LUC7L: variants seen among roughly 807,000 people sequenced by gnomAD.
LUC7L encodes LUC7 like.
LUC7L carries 29 observed loss-of-function variants against 51.1 expected under a neutral mutation model. The ratio of observed to expected loss-of-function variants is 0.57; its 90% CI spans 0.42 to 0.77. The LOEUF (loss-of-function observed/expected upper bound fraction) is 0.77. LUC7L is among the 30% of genes least tolerant of loss of function. LUC7L has a pLI of 0.00. For missense variants in LUC7L, 403 were observed against 511.9 expected (o/e 0.79, Z 2.05); for synonymous variants, 181 against 180.7 (o/e 1.00, Z -0.01).
intron 3 of LUC7L, among the ~76,000 whole-genome samples, chr16:210,385 G>A (rs546890323): frequency 8.5e-5 from 13 of 152,270 alleles, no homozygotes; most frequent in Admixed American, 1.3e-4. Context: ...CAAATGATCC[G>A]GCATTTGACT....
chr16:203,499 G>C (rs1287838915), intron 5 of LUC7L, among the ~76,000 whole-genome samples: 1 of 151,972 alleles, frequency 6.6e-6, no homozygotes, highest in Non-Finnish European at 1.5e-5. Flanking sequence ...TTGAGCCAAG[G>C]ATTTCAAGAC....
At chr16:204,951 G>C (rs1338701625) in intron 5 of LUC7L, among the ~76,000 whole-genome samples, 1 of 152,152 alleles carries the variant, frequency 6.6e-6, no homozygotes, top group Non-Finnish European at 1.5e-5. Context: ...CTGGAGAGGT[G>C]AACTGCTCCT....
intron 6 of LUC7L, among the ~76,000 whole-genome samples, chr16:194,069 C>T (rs1359362337): frequency 6.6e-6 from 1 of 151,856 alleles, no homozygotes; most frequent in Admixed American, 6.6e-5. Context: ...TCCCACAGTG[C>T]TGGGATTATA....
chr16:228,751 G>GCCT, intron 1 of LUC7L: 1 of 1,267,704 alleles, frequency 7.9e-7, no homozygotes, highest in African/African-American at 1.5e-5. Context: ...TGTGCTGGGG[G>GCCT]GAAGGGGGCA....
chr16:201,329 G>C (rs533382388), intron 5 of LUC7L, among the ~76,000 whole-genome samples: 1 of 148,484 alleles, frequency 6.7e-6, no homozygotes, highest in African/African-American at 2.5e-5. Flanking sequence ...CCCTTCTATA[G>C]TTTTGAAACC....
rs77733638 is a variant in LUC7L at position 191,384 on chromosome 16, C to A, written c.777-814G>T. On this transcript the variant is annotated intron_variant, in intron 7 of 9. Coordinates refer to ENST00000293872, the MANE Select transcript of LUC7L (RefSeq NM_201412.3). Reference sequence around the variant, plus strand: ...AAGCTATGAGGCCTCATTCTATGCCCGTAAGCCATTAAGGTCAAGTGGCCC... The same window carrying A: ...AAGCTATGAGGCCTCATTCTATGCCAGTAAGCCATTAAGGTCAAGTGGCCC... Among the ~76,000 whole-genome samples, 4 of 152,174 alleles carry A rather than the reference C, an allele frequency of 2.6e-5. 1 individual carries two copies. Among genetic ancestry groups the A allele is most frequent in the Non-Finnish European group, 5.9e-5 (4 of 68,034 alleles).
chr16:194,829 TAC>T (rs1464371776), intron 6 of LUC7L, among the ~76,000 whole-genome samples: 6 of 152,172 alleles, frequency 3.9e-5, no homozygotes, highest in Admixed American at 3.9e-4. Context: ...CCGTTCTGTA[TAC>T]CCACTACTCC....
Position 206,007 on chromosome 16 carries a change from A to G in LUC7L, c.507T>C (p.Ala169=). ...VEKVRAKKKE[A]EEEYRNSMPA... is the part of the protein sequence containing the mutation. ...CTAAGGCACTTATCTCACCAACCTC[A>G]GCTTCTTTTTTCTTCGCACGAACTT... The change falls in exon 5 of 10, where the codon GCT becomes GCC. Residue 169 remains alanine, a synonymous_variant. Transcript: ENST00000293872. The G allele has an allele frequency of 6.2e-7, 1 of 1,610,206 alleles. No homozygotes were observed.
chr16:199,642 A>G (rs2049263333), intron 5 of LUC7L, among the ~76,000 whole-genome samples: 1 of 151,650 alleles, frequency 6.6e-6, no homozygotes, highest in African/African-American at 2.4e-5. Context: ...GTGGTGGCGC[A>G]TGCCTGTAAT....
intron 3 of LUC7L, among the ~76,000 whole-genome samples, chr16:218,714 C>G (rs1840778155): frequency 6.6e-6 from 1 of 150,400 alleles, no homozygotes; most frequent in Admixed American, 6.6e-5. Flanking sequence ...GAGGGAGACT[C>G]TGTCTCAAAA....
intron 2 of LUC7L, among the ~76,000 whole-genome samples, chr16:224,915 C>CT (rs2050087493): frequency 3.9e-5 from 6 of 152,116 alleles, no homozygotes; most frequent in Non-Finnish European, 7.3e-5. Flanking sequence ...CTTAAGCACA[C>CT]TGAGGATAGG....
chr16:205,529 T>C (rs1185530122), intron 5 of LUC7L, among the ~76,000 whole-genome samples: 2 of 152,152 alleles, frequency 1.3e-5, no homozygotes, highest in East Asian at 1.9e-4. Flanking sequence ...AGAGGGTACA[T>C]GGAGAATCTC....
Position 190,478 on chromosome 16 carries a change from T to C in LUC7L, c.806+63A>G, listed in dbSNP as rs544267223. The C allele has an allele frequency of 9.9e-6, 15 of 1,514,994 alleles. No homozygotes were observed. The East Asian group carries it at 3.2e-4, about 32-fold the overall frequency. The allele number at this position is 1,514,994 out of a possible 1,614,324, so 93.8% of individuals were successfully genotyped here. A position where few individuals can be genotyped will look rare whatever the true frequency, so the allele number is the denominator to read the frequency against. ...CATTTGTAAAGGCATAATCATTAAA[T>C]ATTAAGAAAAATGCTTATGGAAAAA... On this transcript the variant is annotated intron_variant, in intron 8 of 9. Coordinates refer to ENST00000293872, the MANE Select transcript of LUC7L (RefSeq NM_201412.3).
At chr16:221,186 ATTTTTTTTTTTT>A (rs372906826) in intron 2 of LUC7L, among the ~76,000 whole-genome samples, 42,674 of 101,702 alleles carry the variant, frequency 0.42, 6,263 homozygotes, top group Middle Eastern at 0.54. Flanking sequence ...CACCCAGCTA[ATTTTTTTTTTTT>A]TTTTTTTTTT....
In LUC7L at chr16:200,980, C is replaced by T. The variant is rs1032679014; in HGVS notation, c.511-1742G>A. ...CAGGTGGATCACAAGGTCAGGAGTC[C>T]GAGAAGGTGAAACCCCGTCTCTATT... On this transcript the variant is annotated intron_variant, in intron 5 of 9. Transcript: ENST00000293872. Among the ~76,000 whole-genome samples the T allele has an allele frequency of 4.0e-5, 6 of 151,502 alleles. No homozygotes were observed. The East Asian group carries it at 5.8e-4, about 15-fold the overall frequency.
chr16:190,396 G>T (rs2048981154), intron 8 of LUC7L, 145 bp downstream of exon 8: 1 of 897,796 alleles, frequency 1.1e-6, no homozygotes, highest in Non-Finnish European at 1.8e-6. Flanking sequence ...ACCCTCCACG[G>T]CACCAAGCAA....
chr16:204,656 GCTGTA>G (rs2049432191), intron 5 of LUC7L, among the ~76,000 whole-genome samples: 1 of 152,028 alleles, frequency 6.6e-6, no homozygotes, highest in African/African-American at 2.4e-5. Flanking sequence ...ATAGTACTGT[GCTGTA>G]CTGATCACTT....
chr16:189,449 C>T, intron 9 of LUC7L, 110 bp from the exon 10 acceptor site: 1 of 1,440,602 alleles, frequency 6.9e-7, no homozygotes, highest in Non-Finnish European at 9.1e-7. Flanking sequence ...CCTACATCCC[C>T]TATACCTGGA....
rs2048966877 is a variant in LUC7L, at chr16:189,992, G to A, written c.950C>T (p.Ser317Phe). ...CTTGTATTTCGCACTTCGGTCCCGG[G>A]AAGCCCGACGATGTCCCCGGCTGTG... is the stretch of plus-strand genomic sequence containing the variant. ...RSHSRGHRRA[S>F]RDRSAKYKFS... Residue 317 changes from serine to phenylalanine, a missense_variant, in exon 9 of 10, where the codon TCC becomes TTC. Around this residue, in one of 3 missense-constraint regions of LUC7L, gnomAD observed 206 missense variants for 218.3 expected, o/e 0.94. Transcript: ENST00000293872. The A allele has an allele frequency of 9.3e-6, 15 of 1,613,620 alleles. No individual in the cohort carries two copies. Among genetic ancestry groups the A allele is most frequent in the Non-Finnish European group, 1.1e-5 (13 of 1,179,612 alleles).
Sources: allele counts gnomAD v4.1 joint callset (sites outside exome capture counted in the v4.1 genomes callset), GRCh38; gene constraint gnomAD v4.1.1; regional missense constraint gnomAD v4.1.1; transcripts MANE v1.5; gene names NCBI Gene and HGNC (gene_info 2026-07-23, HGNC 2026-07-21).